CTNNA3: variants seen among roughly 807,000 people sequenced by gnomAD.
The protein encoded by CTNNA3 is catenin alpha 3.
Under a neutral mutation model 95.7 loss-of-function variants are expected in CTNNA3, and 76 were observed. That is an observed-to-expected ratio of 0.79 (90% CI 0.66 to 0.96). CTNNA3 has a LOEUF of 0.96. Among genes scored for constraint, CTNNA3 ranks in the 40% least tolerant of loss-of-function variants. The pLI is 0.00. For missense variants in CTNNA3, 1,191 were observed against 1,089.8 expected, an observed-to-expected ratio of 1.09 and a Z score of -1.31; for synonymous variants, 431 against 374.4, an observed-to-expected ratio of 1.15 and a Z score of -1.74.
chr10:66,265,962 C>A (rs764759430), intron 13 of CTNNA3, among the ~76,000 whole-genome samples: 4 of 148,480 alleles, frequency 2.7e-5, no homozygotes, highest in South Asian at 4.2e-4. Context: ...GCCCGTAGTA[C>A]GTACTCAATA....
chr10:67,588,225 T>TTG (rs375674413), intron 3 of CTNNA3, among the ~76,000 whole-genome samples: 61,258 of 151,934 alleles, frequency 0.4, 15,895 homozygotes, highest in African/African-American at 0.71. Flanking sequence ...TTAAGATCTA[T>TTG]CTTATTATTA....
At chr10:66,728,818 C>T (rs2132658836) in intron 9 of CTNNA3, among the ~76,000 whole-genome samples, 1 of 152,250 alleles carries the variant, frequency 6.6e-6, no homozygotes, top group East Asian at 1.9e-4. Flanking sequence ...GAACTCCTGA[C>T]CTCAAGTGAT....
chr10:67,703,232 T>C (rs1238508039), intron 1 of CTNNA3, among the ~76,000 whole-genome samples: 2 of 152,172 alleles, frequency 1.3e-5, no homozygotes. Flanking sequence ...TCTGAAACTA[T>C]TCCAATAAAT....
At chr10:66,784,125 A>C (rs1323512137) in intron 7 of CTNNA3, among the ~76,000 whole-genome samples, 1 of 152,206 alleles carries the variant, frequency 6.6e-6, no homozygotes, top group African/African-American at 2.4e-5. Flanking sequence ...CCATAAAATA[A>C]GAATACAATG....
intron 15 of CTNNA3, among the ~76,000 whole-genome samples, chr10:66,001,298 G>A (rs7914852): frequency 0.97 from 147,531 of 152,176 alleles, 71,589 homozygotes; most frequent in East Asian, 1. Flanking sequence ...GCTTCTGAAC[G>A]CTACACTGAA....
intron 9 of CTNNA3, among the ~76,000 whole-genome samples, chr10:66,622,586 C>T (rs1001289608): frequency 1.3e-5 from 2 of 152,112 alleles, no homozygotes; most frequent in Non-Finnish European, 2.9e-5. Flanking sequence ...CACAGTAAGG[C>T]TTATGGACAG....
intron 7 of CTNNA3, among the ~76,000 whole-genome samples, chr10:67,157,614 T>A (rs1861366753): frequency 6.6e-6 from 1 of 152,182 alleles, no homozygotes; most frequent in African/African-American, 2.4e-5. Flanking sequence ...CTTTCTATGA[T>A]GAACTAAATG....
In CTNNA3 at chr10:65,918,705, C is replaced by G. The variant is rs2077036805; in HGVS notation, c.*1625G>C. On this transcript the variant is annotated 3_prime_UTR_variant, in exon 18 of 18. Transcript: ENST00000433211. ...AAGTTTTACACTGAGCTCAGGCAAT[C>G]CAGCTACTTGGAAGATTGAAATAAT... 6.6e-6 allele frequency: 1 copy of G among 152,118 alleles called. No individual in the cohort carries two copies. The highest frequency in any genetic ancestry group is 2.4e-5 in the African/African-American group (1 of 41,418). The allele number at this position is 152,118 out of a possible 1,614,324, so 9.4% of individuals were successfully genotyped here.
intron 7 of CTNNA3, among the ~76,000 whole-genome samples, chr10:67,124,784 T>C (rs954704907): frequency 6.6e-6 from 1 of 152,250 alleles, no homozygotes; most frequent in Non-Finnish European, 1.5e-5. Context: ...TGTTTTTTTC[T>C]TCACATAATG....
chr10:67,435,012 C>T (rs892197287), intron 5 of CTNNA3, among the ~76,000 whole-genome samples: 1 of 151,998 alleles, frequency 6.6e-6, no homozygotes, highest in Non-Finnish European at 1.5e-5. Context: ...GCCTATTGTT[C>T]CGATATATTG....
At position 66,435,184 on chromosome 10, in the gene CTNNA3, T is replaced by G. The variant is rs7476920; in HGVS notation, c.1532-55832A>C. Reference sequence around the variant, plus strand: ...ATAAAATGAGTTATTTTATGATAATTTCTTTTCTATTGTTTGAAATAGTTT... The same window carrying G: ...ATAAAATGAGTTATTTTATGATAATGTCTTTTCTATTGTTTGAAATAGTTT... On this transcript the variant is annotated intron_variant, in intron 11 of 17. Coordinates refer to ENST00000433211, the MANE Select transcript of CTNNA3 (RefSeq NM_013266.4). Among the ~76,000 whole-genome samples, 508 of 152,022 alleles carry G rather than the reference T, an allele frequency of 3.3e-3. 4 individuals carry two copies. Among genetic ancestry groups the G allele is most frequent in the Non-Finnish European group, 5.0e-3 (340 of 67,992 alleles).
chr10:66,985,667 C>G (rs1850687598), intron 7 of CTNNA3, among the ~76,000 whole-genome samples: 1 of 152,082 alleles, frequency 6.6e-6, no homozygotes, highest in Admixed American at 6.6e-5. Flanking sequence ...AAATGATCAT[C>G]AAGAACCCAA....
At chr10:66,634,063 A>G (rs938627700) in intron 9 of CTNNA3, among the ~76,000 whole-genome samples, 2 of 152,134 alleles carry the variant, frequency 1.3e-5, no homozygotes, top group African/African-American at 4.8e-5. Flanking sequence ...CAAAATGGCA[A>G]TTGTGATGAT....
intron 13 of CTNNA3, among the ~76,000 whole-genome samples, chr10:66,164,213 A>AT (rs1450357514): frequency 6.6e-6 from 1 of 152,194 alleles, no homozygotes; most frequent in Non-Finnish European, 1.5e-5. Flanking sequence ...ATCACATTTT[A>AT]TTTTAATTTT....
At chr10:67,591,935 G>C (rs1032089579) in intron 3 of CTNNA3, among the ~76,000 whole-genome samples, 2 of 152,042 alleles carry the variant, frequency 1.3e-5, no homozygotes, top group Non-Finnish European at 1.5e-5. Flanking sequence ...GACAGGGATG[G>C]GTCCCCAGTG....
chr10:67,546,857 C>T (rs980764620), intron 3 of CTNNA3, among the ~76,000 whole-genome samples: 13 of 152,060 alleles, frequency 8.5e-5, no homozygotes, highest in Admixed American at 8.5e-4. Flanking sequence ...GTAAGCTTAG[C>T]CATGAATACA....
intron 11 of CTNNA3, among the ~76,000 whole-genome samples, chr10:66,398,772 A>G (rs1279510074): frequency 1.3e-5 from 2 of 151,988 alleles, no homozygotes; most frequent in Non-Finnish European, 2.9e-5. Flanking sequence ...TTAAAAATGC[A>G]AAGAGTGCAG....
intron 14 of CTNNA3, among the ~76,000 whole-genome samples, chr10:66,091,261 C>T (rs2081202476): frequency 6.6e-6 from 1 of 151,934 alleles, no homozygotes; most frequent in African/African-American, 2.4e-5. Context: ...TTAGCCTCAA[C>T]ATTTTTCCAA....
chr10:66,628,424 A>G (rs1845014487), intron 9 of CTNNA3, among the ~76,000 whole-genome samples: 1 of 152,106 alleles, frequency 6.6e-6, no homozygotes. Context: ...GAGAAAAGAA[A>G]GTCCTTAGGT....
Sources: allele counts gnomAD v4.1 joint callset (sites outside exome capture counted in the v4.1 genomes callset), GRCh38; gene constraint gnomAD v4.1.1; transcripts MANE v1.5; gene names NCBI Gene and HGNC (gene_info 2026-07-23, HGNC 2026-07-21).